SHISA6: variants seen among roughly 807,000 people sequenced by gnomAD.
SHISA6 encodes the protein shisa family member 6.
SHISA6 carries 22 observed loss-of-function variants against 47.9 expected under a neutral mutation model. That is an observed-to-expected ratio of 0.46 (90% confidence interval 0.33 to 0.66). SHISA6 has a LOEUF of 0.66. Among genes scored for constraint, SHISA6 ranks in the 30% least tolerant of loss-of-function variants. SHISA6 has a pLI of 0.02. For missense variants in SHISA6, 680 were observed against 764.6 expected (o/e 0.89, Z 1.30); for synonymous variants, 388 against 337.8 (o/e 1.15, Z -1.63).
intron 2 of SHISA6, 124 bp from the exon 3 acceptor site, chr17:11,379,290 C>T (rs1247261155): frequency 8.1e-6 from 4 of 496,388 alleles, no homozygotes; most frequent in Non-Finnish European, 1.4e-5. Flanking sequence ...GCTGCCTCCA[C>T]CTTCTGACTT....
intron 2 of SHISA6, among the ~76,000 whole-genome samples, chr17:11,307,648 G>A (rs1369178556): frequency 1.3e-5 from 2 of 152,160 alleles, no homozygotes; most frequent in Non-Finnish European, 2.9e-5. Flanking sequence ...TGGAAGACGG[G>A]GAGAATGGAT....
chr17:11,374,303 T>C (rs1218743589), intron 2 of SHISA6, among the ~76,000 whole-genome samples: 1 of 152,220 alleles, frequency 6.6e-6, no homozygotes, highest in Admixed American at 6.5e-5. Flanking sequence ...TATACATTTT[T>C]AGTCTTTGAC....
chr17:11,242,713 T>C (rs941178285), intron 1 of SHISA6, among the ~76,000 whole-genome samples: 1 of 152,180 alleles, frequency 6.6e-6, no homozygotes, highest in African/African-American at 2.4e-5. Context: ...AACTCTGAGT[T>C]AACAGTACTC....
At chr17:11,348,440 C>T (rs189950704) in intron 2 of SHISA6, among the ~76,000 whole-genome samples, 5 of 152,122 alleles carry the variant, frequency 3.3e-5, no homozygotes, top group East Asian at 1.9e-4. Context: ...GATGAGCTAA[C>T]GGCACTTGTC....
At chr17:11,417,623 A>G (rs796648891) in intron 3 of SHISA6, among the ~76,000 whole-genome samples, 47 of 152,336 alleles carry the variant, frequency 3.1e-4, no homozygotes, top group African/African-American at 9.6e-4. Flanking sequence ...TCTTCTCCTG[A>G]AAACAGCTCT....
chr17:11,247,516 C>CAATT (rs1156990723), intron 1 of SHISA6, among the ~76,000 whole-genome samples: 6 of 152,150 alleles, frequency 3.9e-5, no homozygotes, highest in African/African-American at 9.7e-5. Flanking sequence ...TTTTGTCTTA[C>CAATT]AATTTTGCTC....
At chr17:11,551,692 C>T (rs963380272) in intron 3 of SHISA6, among the ~76,000 whole-genome samples, 1 of 152,136 alleles carries the variant, frequency 6.6e-6, no homozygotes, top group African/African-American at 2.4e-5. Flanking sequence ...ACCATGGTGA[C>T]AGAGGAAACC....
intron 3 of SHISA6, among the ~76,000 whole-genome samples, chr17:11,462,878 T>G (rs1382099678): frequency 6.6e-6 from 1 of 152,234 alleles, no homozygotes; most frequent in Non-Finnish European, 1.5e-5. Flanking sequence ...TCTGCCCACC[T>G]TGGCCTCCCA....
At position 11,304,089 on chromosome 17, in the gene SHISA6, G is replaced by T. The variant is rs114093717; in HGVS notation, c.799+40563G>T. Among the ~76,000 whole-genome samples the T allele has an allele frequency of 7.4e-3, 1,128 of 152,264 alleles. 12 individuals carry two copies. Among genetic ancestry groups the T allele is most frequent in the South Asian group, 0.021 (103 of 4,832 alleles). ...CCTTCTAGGATAGAAGCCCTTTCCTGGGAAGCTTTGGGTAGTTTGCACCTT... is the reference window on the plus strand; with the variant it reads ...CCTTCTAGGATAGAAGCCCTTTCCTTGGAAGCTTTGGGTAGTTTGCACCTT... On this transcript the variant is annotated intron_variant, in intron 2 of 5. Transcript: ENST00000441885.
At chr17:11,534,602 G>A (rs145726898) in intron 3 of SHISA6, among the ~76,000 whole-genome samples, 281 of 152,262 alleles carry the variant, frequency 1.8e-3, no homozygotes, top group African/African-American at 5.4e-3. Flanking sequence ...AAATGACAGA[G>A]CAGAGGAGAG....
intron 1 of SHISA6, among the ~76,000 whole-genome samples, chr17:11,252,071 C>G (rs1907832103): frequency 6.6e-6 from 1 of 152,078 alleles, no homozygotes. Context: ...CCTTCTTGTC[C>G]CTGCTTGACT....
chr17:11,344,366 G>A (rs1362894823), intron 2 of SHISA6, among the ~76,000 whole-genome samples: 1 of 151,980 alleles, frequency 6.6e-6, no homozygotes, highest in Non-Finnish European at 1.5e-5. Context: ...TGTTACTTGT[G>A]CTTTTGGTGT....
intron 2 of SHISA6, among the ~76,000 whole-genome samples, chr17:11,358,447 C>T (rs1466898925): frequency 1.3e-5 from 2 of 151,448 alleles, no homozygotes; most frequent in South Asian, 2.1e-4. Flanking sequence ...GCAAGCTCCG[C>T]CTCTTGGGTT....
chr17:11,381,374 T>G (rs1013695282), intron 3 of SHISA6, among the ~76,000 whole-genome samples: 25 of 152,354 alleles, frequency 1.6e-4, no homozygotes, highest in African/African-American at 5.8e-4. Context: ...TTAGAAGTTA[T>G]GGAGTTTATG....
chr17:11,499,509 C>T (rs931175244), intron 3 of SHISA6, among the ~76,000 whole-genome samples: 1 of 152,100 alleles, frequency 6.6e-6, no homozygotes, highest in Non-Finnish European at 1.5e-5. Flanking sequence ...CAAAACAACT[C>T]CCAGCTAGTT....
intron 3 of SHISA6, among the ~76,000 whole-genome samples, chr17:11,508,001 T>C (rs927112319): frequency 6.6e-6 from 1 of 152,188 alleles, no homozygotes; most frequent in Admixed American, 6.5e-5. Context: ...GCCAGTTGCC[T>C]ACATTTCCAC....
chr17:11,416,029 G>A (rs1597502400), intron 3 of SHISA6, among the ~76,000 whole-genome samples: 1 of 152,128 alleles, frequency 6.6e-6, no homozygotes, highest in African/African-American at 2.4e-5. Context: ...GAGAAAGAGA[G>A]GGAGATATTA....
At chr17:11,419,160 T>C (rs972891048) in intron 3 of SHISA6, among the ~76,000 whole-genome samples, 4 of 151,938 alleles carry the variant, frequency 2.6e-5, no homozygotes, top group Admixed American at 2.0e-4. Flanking sequence ...GGCACATGTA[T>C]ACATATGTAA....
chr17:11,298,612 A>C (rs1909826839), intron 2 of SHISA6, among the ~76,000 whole-genome samples: 1 of 152,228 alleles, frequency 6.6e-6, no homozygotes. Context: ...GGTCAGTGCC[A>C]TGGCAGCTGG....
Sources: gnomAD v4.1 joint callset for allele counts (sites outside exome capture counted in the v4.1 genomes callset) on GRCh38, gnomAD v4.1.1 for gene constraint, MANE v1.5 for transcripts, NCBI Gene and HGNC (gene_info 2026-07-23, HGNC 2026-07-21) for gene names.